SGSM1: variants seen among roughly 807,000 people sequenced by gnomAD.
SGSM1 encodes the protein RUN and TBC1 domain containing 2.
A neutral mutation model predicts 133.8 loss-of-function variants in SGSM1; 73 were observed. The ratio of observed to expected loss-of-function variants is 0.55; its 90% CI spans 0.45 to 0.66. The LOEUF (loss-of-function observed/expected upper bound fraction) is 0.66, where lower values mean the gene tolerates loss of function less well. SGSM1 is among the 30% of genes least tolerant of loss of function. SGSM1 has a pLI of 0.00. For synonymous variants in SGSM1, 563 were observed against 573.0 expected (o/e 0.98, Z 0.25); for missense variants, 1,213 against 1,448.1 (o/e 0.84, Z 2.64).
intron 9 of SGSM1, among the ~76,000 whole-genome samples, chr22:24,862,949 C>T (rs1601934214): frequency 6.6e-6 from 1 of 152,160 alleles, no homozygotes; most frequent in African/African-American, 2.4e-5. Context: ...TTGCACCCAA[C>T]GTCAAAGCTT....
chr22:24,844,927 C>T lies in SGSM1; in HGVS notation c.94C>T (p.Arg32Cys), dbSNP rs766572191. 34 of 1,613,680 alleles carry T rather than the reference C, an allele frequency of 2.1e-5. No individual in the cohort carries two copies. Among genetic ancestry groups the T allele is most frequent in the East Asian group, 4.5e-5 (2 of 44,880 alleles). The change falls in exon 3 of 25, where the codon CGC becomes TGC. Residue 32 changes from arginine (R) to cysteine (C), a missense_variant. Physicochemically the swap from Arg to Cys is radical, Grantham distance 180. Transcript: ENST00000400358. ...GCAGATCATGGAGGAGGCTGTGACA[C>T]GCAAGTTTGTCCACGAAGACAGCAG... Reference protein sequence around the residue: ...VKQIMEEAVTRKFVHEDSSHI... With the variant: ...VKQIMEEAVTCKFVHEDSSHI...
rs1351182279 is a variant in SGSM1, at chr22:24,884,083, T to C, written c.1526T>C (p.Val509Ala). The C allele has an allele frequency of 1.2e-6, 2 of 1,613,332 alleles. No individual in the cohort carries two copies. Among genetic ancestry groups the C allele is most frequent in the Non-Finnish European group, 1.7e-6 (2 of 1,179,654 alleles). Residue 509 changes from valine to alanine, a missense_variant, in exon 15 of 25, where the codon GTG (valine) becomes GCG (alanine). By Grantham distance (64) the Val-to-Ala change is moderately conservative (BLOSUM62 0). Coordinates refer to ENST00000400358, the MANE Select transcript of SGSM1 (RefSeq NM_001098497.3). ...WLAYCRHLST[V>A]RTHLSALVNH... The stretch of plus-strand genomic sequence containing the variant: ...GCCTACTGCAGACACCTGTCCACCG[T>C]GAGAACCCACCTATCAGCCCTGGTC...
intron 13 of SGSM1, among the ~76,000 whole-genome samples, chr22:24,877,542 C>T (rs116156723): frequency 0.012 from 1,765 of 152,126 alleles, 17 homozygotes; most frequent in African/African-American, 0.04. Context: ...CCCTTTTGTC[C>T]TTGCGGGGCT....
intron 24 of SGSM1, 88 bp from the exon 25 acceptor site, chr22:24,924,098 C>A: frequency 8.7e-7 from 1 of 1,150,510 alleles, no homozygotes; most frequent in Non-Finnish European, 1.3e-6. Flanking sequence ...GATGGAGATG[C>A]CCCCAGAGAA....
At chr22:24,828,413 G>A (rs6004301) in intron 2 of SGSM1, among the ~76,000 whole-genome samples, 52,592 of 151,996 alleles carry the variant, frequency 0.35, 9,426 homozygotes, top group Non-Finnish European at 0.39. Flanking sequence ...AAGGAACTTT[G>A]CAAGAGAAAA....
chr22:24,837,125 C>T (rs1408117155), intron 2 of SGSM1, among the ~76,000 whole-genome samples: 1 of 152,158 alleles, frequency 6.6e-6, no homozygotes, highest in Non-Finnish European at 1.5e-5. Flanking sequence ...GGGACCACTA[C>T]CACCAATGCA....
intron 21 of SGSM1, 88 bp from the exon 22 acceptor site, chr22:24,912,555 A>G: frequency 1.1e-6 from 1 of 873,068 alleles, no homozygotes. Context: ...TGGAGGTCAT[A>G]TTTCAACATG....
rs751538640 is a variant in SGSM1, at chr22:24,898,115, G to A, written c.2166G>A (p.Ser722=). The A allele has an allele frequency of 8.1e-6, 13 of 1,613,798 alleles. No individual in the cohort carries two copies. In the East Asian group the frequency reaches 8.9e-5, roughly 11 times the overall value. Residue 722 remains serine, a synonymous_variant, in exon 19 of 25, where the codon TCG becomes TCA. Transcript: ENST00000400358. ...ATCCTTCCTCCCATAACTTCTCCTC[G>A]GGCCTCTCAGAGCACTCAGAGCCCA... ...SGHPSSHNFS[S]GLSEHSEPSL... is the part of the protein sequence containing the mutation.
rs577233892 is a variant in SGSM1 at position 24,874,084 on chromosome 22, G to A, written c.1292-2493G>A. ...GTTACTGCCTGGCAGGGCTTTGGGT[G>A]ATTAAGTCATGCCATCATTCTGAGC... On this transcript the variant is annotated intron_variant, in intron 12 of 24. Coordinates refer to ENST00000400358, the MANE Select transcript of SGSM1 (RefSeq NM_001098497.3). Among the ~76,000 whole-genome samples the A allele has an allele frequency of 4.7e-4, 72 of 152,266 alleles. 1 individual carries two copies. The South Asian group carries it at 8.7e-3, about 18-fold the overall frequency.
intron 22 of SGSM1, among the ~76,000 whole-genome samples, chr22:24,913,083 T>A (rs1362321805): frequency 6.6e-6 from 1 of 151,994 alleles, no homozygotes; most frequent in Non-Finnish European, 1.5e-5. Context: ...CCTGGCAACT[T>A]GTTAGAAGTG....
intron 8 of SGSM1, among the ~76,000 whole-genome samples, chr22:24,858,072 G>A (rs1601929042): frequency 6.6e-6 from 1 of 152,162 alleles, no homozygotes; most frequent in East Asian, 1.9e-4. Context: ...AAACTCCTGG[G>A]CTCAAGCAAT....
At chr22:24,907,774 C>T (rs1933448640) in intron 21 of SGSM1, among the ~76,000 whole-genome samples, 1 of 151,588 alleles carries the variant, frequency 6.6e-6, no homozygotes, top group Non-Finnish European at 1.5e-5. Flanking sequence ...TAGCTGGGCA[C>T]AGTGGCAGGA....
chr22:24,836,860 A>C (rs1240217177), intron 2 of SGSM1, among the ~76,000 whole-genome samples: 1 of 152,192 alleles, frequency 6.6e-6, no homozygotes, highest in Non-Finnish European at 1.5e-5. Context: ...ATTTTCTTCT[A>C]TTTCACGGGT....
At position 24,850,383 on chromosome 22, in the gene SGSM1, T is replaced by A. The variant is rs1309378732; in HGVS notation, c.406T>A (p.Phe136Ile). The change falls in exon 5 of 25, where the codon TTT becomes ATT. Residue 136 changes from phenylalanine (F) to isoleucine (I), a missense_variant. By Grantham distance (21) the Phe-to-Ile change is conservative (BLOSUM62 0). Transcript: ENST00000400358. ...GCATCTGTGGATTCGCACAGCCTTG[T>A]TTGAGAAGGTCCTGGACAAAATTGT... ...IKHLWIRTALFEKVLDKIVHY... is the reference protein window; with the variant it reads ...IKHLWIRTALIEKVLDKIVHY... 5.0e-6 allele frequency: 8 copies of A among 1,613,834 alleles called. No homozygotes were observed. The highest frequency in any genetic ancestry group is 1.3e-5 in the African/African-American group (1 of 74,900).
intron 22 of SGSM1, among the ~76,000 whole-genome samples, chr22:24,917,028 G>A (rs956041655): frequency 2.0e-5 from 3 of 150,656 alleles, no homozygotes; most frequent in Non-Finnish European, 4.4e-5. Flanking sequence ...ACATGCCCAG[G>A]CCACCATGCC....
At chr22:24,891,566 A>T (rs1264067896) in intron 16 of SGSM1, among the ~76,000 whole-genome samples, 1 of 152,162 alleles carries the variant, frequency 6.6e-6, no homozygotes, top group African/African-American at 2.4e-5. Flanking sequence ...GCCCCTCCAC[A>T]CTTCACCCAT....
intron 2 of SGSM1, among the ~76,000 whole-genome samples, chr22:24,815,931 T>C (rs568155921): frequency 2.0e-5 from 3 of 152,136 alleles, no homozygotes; most frequent in South Asian, 2.1e-4. Flanking sequence ...ATAAGACAAA[T>C]GTAACTTTCT....
chr22:24,885,513 A>G (rs1932547358), intron 15 of SGSM1, among the ~76,000 whole-genome samples: 1 of 135,942 alleles, frequency 7.4e-6, no homozygotes, highest in East Asian at 2.1e-4. Context: ...ATCTCGGCTC[A>G]CTGCAAGCTC....
intron 13 of SGSM1, among the ~76,000 whole-genome samples, chr22:24,877,801 T>TA (rs1932099319): frequency 7.6e-6 from 1 of 130,914 alleles, no homozygotes; most frequent in Non-Finnish European, 1.6e-5. Flanking sequence ...ATTCTTTCTT[T>TA]CTTTTTTTTT....
Sources: gnomAD v4.1 joint callset for allele counts (sites outside exome capture counted in the v4.1 genomes callset) on GRCh38, gnomAD v4.1.1 for gene constraint, MANE v1.5 for transcripts, NCBI Gene and HGNC (gene_info 2026-07-23, HGNC 2026-07-21) for gene names.